Variants in EEF1AKMT2 observed in about 807,000 individuals in gnomAD.
The protein encoded by EEF1AKMT2 is EEF1A lysine methyltransferase 2.
Under a neutral mutation model 35.8 loss-of-function variants are expected in EEF1AKMT2, and 32 were observed. The observed-to-expected ratio is 0.89, with a 90% CI of 0.67 to 1.20. The LOEUF (loss-of-function observed/expected upper bound fraction) is 1.20. EEF1AKMT2 is among the 50% of genes most tolerant of loss of function. EEF1AKMT2 has a pLI of 0.00. For missense variants in EEF1AKMT2, 330 were observed against 347.5 expected (o/e 0.95, Z 0.40); for synonymous variants, 121 against 133.7 (o/e 0.91, Z 0.65).
intron 3 of EEF1AKMT2, among the ~76,000 whole-genome samples, chr10:124,787,212 C>A (rs998619599): frequency 6.6e-6 from 1 of 151,906 alleles, no homozygotes; most frequent in Non-Finnish European, 1.5e-5. Flanking sequence ...CCTCCCAAAG[C>A]GCTGGGATTA....
At position 124,781,775 on chromosome 10, in the gene EEF1AKMT2, C is replaced by A. The variant is rs1453489087; in HGVS notation, c.292-6993G>T. On this transcript the variant is annotated intron_variant, in intron 3 of 6. Coordinates refer to ENST00000368836, the MANE Select transcript of EEF1AKMT2 (RefSeq NM_212554.4). Reference sequence around the variant, plus strand: ...AAGAAAAAAAAAAAGCTCAGGAGATCCAGAATACAAAGGTGAAATAAATAT... The same window carrying A: ...AAGAAAAAAAAAAAGCTCAGGAGATACAGAATACAAAGGTGAAATAAATAT... Among the ~76,000 whole-genome samples the A allele has an allele frequency of 2.7e-5, 4 of 150,928 alleles. No individual in the cohort carries two copies. In the South Asian group the frequency reaches 8.3e-4, roughly 31 times the overall value.
rs146577563 is a variant in EEF1AKMT2 at position 124,788,710 on chromosome 10, T to TTATATATATATATATATA, written c.291+315_291+332dup. Among the ~76,000 whole-genome samples, 486 of 92,468 alleles carry TTATATATATATATATATA rather than the reference T, an allele frequency of 5.3e-3. 36 individuals are homozygous for TTATATATATATATATATA. Among genetic ancestry groups the TTATATATATATATATATA allele is most frequent in the South Asian group, 0.027 (56 of 2,042 alleles). The allele number at this position is 92,468 out of a possible 152,430, so 60.7% of individuals were successfully genotyped here. ...CTACTGGAATTGCAAAAGGTCATCT[T>TTATATATATATATATATA]TATATATATATATATATATGCATTT... On this transcript the variant is annotated intron_variant, in intron 3 of 6. Coordinates refer to ENST00000368836, the MANE Select transcript of EEF1AKMT2 (RefSeq NM_212554.4).
At chr10:124,767,832 A>C (rs1190845809) in intron 4 of EEF1AKMT2, among the ~76,000 whole-genome samples, 1 of 151,656 alleles carries the variant, frequency 6.6e-6, no homozygotes, top group African/African-American at 2.4e-5. Context: ...CTAAAAATAC[A>C]AAAATTAGCT....
At chr10:124,764,536 T>C (rs889203461) in intron 5 of EEF1AKMT2, among the ~76,000 whole-genome samples, 1 of 152,216 alleles carries the variant, frequency 6.6e-6, no homozygotes, top group Non-Finnish European at 1.5e-5. Flanking sequence ...GATACTGCAC[T>C]AATTACACTT....
In EEF1AKMT2 at chr10:124,784,930, TAA is replaced by T. The variant is rs35519795; in HGVS notation, c.291+4111_291+4112del. ...TGGAAGACAGAGCAAGATTCCATCT[TAA>T]AAAAAAAAAAAAAAAGGTCTAAATG... is the stretch of plus-strand genomic sequence containing the variant. On this transcript the variant is annotated intron_variant, in intron 3 of 6. Coordinates refer to ENST00000368836, the MANE Select transcript of EEF1AKMT2 (RefSeq NM_212554.4). 3.2e-3 allele frequency among the ~76,000 whole-genome samples: 398 copies of T among 123,612 alleles called. 1 individual carries two copies. The highest frequency in any genetic ancestry group is 6.8e-3 in the South Asian group (27 of 3,960). The allele number at this position is 123,612 out of a possible 152,430, so 81.1% of individuals were successfully genotyped here. A position where few individuals can be genotyped will look rare whatever the true frequency, so the allele number is the denominator to read the frequency against.
At chr10:124,779,859 G>A (rs1225749574) in intron 3 of EEF1AKMT2, among the ~76,000 whole-genome samples, 2 of 149,238 alleles carry the variant, frequency 1.3e-5, no homozygotes, top group Admixed American at 6.8e-5. Flanking sequence ...TCAGGAGATC[G>A]AGACCATCCT....
At chr10:124,788,710 T>TTATATATATATATCTATATATATATA (rs1554920487) in intron 3 of EEF1AKMT2, among the ~76,000 whole-genome samples, 1 of 92,506 alleles carries the variant, frequency 1.1e-5, no homozygotes, top group Non-Finnish European at 2.4e-5. Context: ...AAGGTCATCT[T>TTATATATATATATCTATATATATATA]TATATATATA....
In EEF1AKMT2 at chr10:124,762,562, G is replaced by A; in HGVS notation, c.617-4C>T. The A allele has an allele frequency of 2.5e-6, 3 of 1,187,942 alleles. No homozygotes were observed. The highest frequency in any genetic ancestry group is 1.6e-5 in the South Asian group (1 of 63,604). The allele number at this position is 1,187,942 out of a possible 1,614,324, so 73.6% of individuals were successfully genotyped here. On this transcript the variant is annotated splice_polypyrimidine_tract_variant and splice_region_variant and intron_variant, in intron 5 of 6. Transcript: ENST00000368836. ...AATCCTGCCACTGTACTCCAACCTG[G>A]GCAACAGAGAGAGAGACAGACCGTT...
At chr10:124,773,310 G>A (rs1203724050) in intron 4 of EEF1AKMT2, among the ~76,000 whole-genome samples, 1 of 152,100 alleles carries the variant, frequency 6.6e-6, no homozygotes, top group East Asian at 1.9e-4. Flanking sequence ...CAATCCTCCT[G>A]CCTCTGTTTT....
chr10:124,766,682 G>A (rs1950381114), intron 4 of EEF1AKMT2, among the ~76,000 whole-genome samples: 1 of 152,114 alleles, frequency 6.6e-6, no homozygotes, highest in Admixed American at 6.6e-5. Context: ...TGGAAGGTGG[G>A]TCTTCTCCCT....
intron 4 of EEF1AKMT2, among the ~76,000 whole-genome samples, chr10:124,767,160 TAAAAAAAAAAA>T (rs903606562): frequency 9.6e-5 from 10 of 104,208 alleles, no homozygotes; most frequent in African/African-American, 3.9e-4. Context: ...GACTCCATCT[TAAAAAAAAAAA>T]AAAAAAAAAA....
At chr10:124,775,002 T>C in intron 3 of EEF1AKMT2, 1 of 204,090 alleles carries the variant, frequency 4.9e-6, no homozygotes, top group Non-Finnish European at 9.8e-6. Context: ...TTTTATCTCT[T>C]TTTCAAAAGG....
At position 124,774,374 on chromosome 10, in the gene EEF1AKMT2, CAAAAAAAAAAAA is replaced by C. The variant is rs57130146; in HGVS notation, c.399+289_399+300del. Among the ~76,000 whole-genome samples, 194 of 21,706 alleles carry C rather than the reference CAAAAAAAAAAAA, an allele frequency of 8.9e-3. 3 individuals are homozygous for C. The highest frequency in any genetic ancestry group is 0.015 in the African/African-American group (111 of 7,230). The allele number at this position is 21,706 out of a possible 152,430, so 14.2% of individuals were successfully genotyped here. ...TGGGCAACTGAGCGAGACTCAGTCT[CAAAAAAAAAAAA>C]AAAAAAAAAAAAAAAAAAAAAAAAC... is the stretch of plus-strand genomic sequence containing the variant. On this transcript the variant is annotated intron_variant, in intron 4 of 6. Transcript: ENST00000368836.
rs1252983585 is a variant in EEF1AKMT2, at chr10:124,760,022, T to A, written c.*481A>T. 1.6e-5 allele frequency: 3 copies of A among 188,610 alleles called. No homozygotes were observed. Among genetic ancestry groups the A allele is most frequent in the African/African-American group, 2.3e-5 (1 of 43,066 alleles). 11.7% of individuals were successfully genotyped at this position (188,610 alleles called of 1,614,324 possible). On this transcript the variant is annotated 3_prime_UTR_variant, in exon 7 of 7. Coordinates refer to ENST00000368836, the MANE Select transcript of EEF1AKMT2 (RefSeq NM_212554.4). Reference sequence around the variant, plus strand: ...AACAAAGTTATTTTGCTTATTATTCTGATGCTGGAATAATTTGGTCAAATA... The same window carrying A: ...AACAAAGTTATTTTGCTTATTATTCAGATGCTGGAATAATTTGGTCAAATA...
At chr10:124,764,822 A>G (rs1950363347) in intron 5 of EEF1AKMT2, among the ~76,000 whole-genome samples, 1 of 152,210 alleles carries the variant, frequency 6.6e-6, no homozygotes, top group African/African-American at 2.4e-5. Context: ...AGCACAATAT[A>G]TGTGCTTTTT....
At chr10:124,766,558 AT>A (rs1285144592) in intron 4 of EEF1AKMT2, among the ~76,000 whole-genome samples, 2 of 152,236 alleles carry the variant, frequency 1.3e-5, no homozygotes, top group South Asian at 2.1e-4. Flanking sequence ...TTTGAAAAAA[AT>A]AATTAGGCAA....
intron 5 of EEF1AKMT2, among the ~76,000 whole-genome samples, chr10:124,765,068 A>AT (rs2134121499): frequency 6.6e-6 from 1 of 152,256 alleles, no homozygotes; most frequent in East Asian, 1.9e-4. Flanking sequence ...ATCCCAGCTA[A>AT]TTTTTTGTAT....
intron 5 of EEF1AKMT2, 70 bp downstream of exon 5, chr10:124,765,322 G>A (rs941754888): frequency 1.3e-5 from 16 of 1,277,010 alleles, no homozygotes; most frequent in South Asian, 5.0e-5. Context: ...AACACAAAAC[G>A]GGGAGAAAAC....
intron 3 of EEF1AKMT2, among the ~76,000 whole-genome samples, chr10:124,784,795 G>A (rs1325825558): frequency 6.6e-6 from 1 of 151,992 alleles, no homozygotes. Flanking sequence ...GCGGGGCATG[G>A]TGACACACAC....
Sources: gnomAD v4.1 joint callset for allele counts (sites outside exome capture counted in the v4.1 genomes callset) on GRCh38, gnomAD v4.1.1 for gene constraint, MANE v1.5 for transcripts, NCBI Gene and HGNC (gene_info 2026-07-23, HGNC 2026-07-21) for gene names.